Variants in TAFA2 observed in about 807,000 individuals in gnomAD.
The protein encoded by TAFA2 is TAFA chemokine like family member 2.
A neutral mutation model predicts 18.8 loss-of-function variants in TAFA2; 7 were observed. That is an observed-to-expected ratio of 0.37 (90% CI 0.21 to 0.70). The LOEUF is 0.70. Among genes scored for constraint, TAFA2 ranks in the 30% least tolerant of loss-of-function variants. The pLI is 0.53. For synonymous variants in TAFA2, 60 were observed against 54.2 expected, an observed-to-expected ratio of 1.11 and a Z score of -0.47; for missense variants, 122 against 158.1, an observed-to-expected ratio of 0.77 and a Z score of 1.23.
intron 1 of TAFA2, among the ~76,000 whole-genome samples, chr12:62,212,373 C>G (rs1420748876): frequency 6.6e-6 from 1 of 152,144 alleles, no homozygotes; most frequent in Non-Finnish European, 1.5e-5. Context: ...CACACATAAG[C>G]CTACTTCTTC....
intron 4 of TAFA2, among the ~76,000 whole-genome samples, chr12:61,719,301 A>T (rs1042875047): frequency 6.6e-6 from 1 of 152,198 alleles, no homozygotes; most frequent in African/African-American, 2.4e-5. Flanking sequence ...TAAGGCATAG[A>T]CATAAACAAT....
At chr12:62,182,249 G>A (rs569442829) in intron 1 of TAFA2, among the ~76,000 whole-genome samples, 4 of 152,062 alleles carry the variant, frequency 2.6e-5, no homozygotes, top group South Asian at 2.1e-4. Flanking sequence ...TCTAATTTAC[G>A]TATTGGAGGA....
chr12:61,861,514 C>A (rs1874127658), intron 2 of TAFA2, among the ~76,000 whole-genome samples: 1 of 152,070 alleles, frequency 6.6e-6, no homozygotes. Flanking sequence ...CTCCGCTTCC[C>A]AAAGTGCTGG....
At chr12:62,078,323 A>G (rs1868268394) in intron 1 of TAFA2, among the ~76,000 whole-genome samples, 1 of 152,092 alleles carries the variant, frequency 6.6e-6, no homozygotes, top group Non-Finnish European at 1.5e-5. Context: ...ATTCCTGATA[A>G]GAAACTGACC....
At chr12:61,933,302 A>C (rs1877638475) in intron 1 of TAFA2, among the ~76,000 whole-genome samples, 1 of 152,210 alleles carries the variant, frequency 6.6e-6, no homozygotes, top group Non-Finnish European at 1.5e-5. Flanking sequence ...GCTATGAGAT[A>C]TAGTTTCCAC....
chr12:62,074,714 T>A (rs1458372423), intron 1 of TAFA2, among the ~76,000 whole-genome samples: 3 of 137,090 alleles, frequency 2.2e-5, no homozygotes, highest in African/African-American at 7.8e-5. Context: ...TTTTTTTTTT[T>A]TTTTTGAGAC....
intron 1 of TAFA2, among the ~76,000 whole-genome samples, chr12:62,146,473 T>C (rs965126021): frequency 2.0e-5 from 3 of 151,862 alleles, no homozygotes; most frequent in African/African-American, 4.8e-5. Flanking sequence ...TTGTAGAGAC[T>C]GTTTCATCAT....
intron 2 of TAFA2, among the ~76,000 whole-genome samples, chr12:61,771,116 G>C (rs1313157885): frequency 6.6e-6 from 1 of 151,858 alleles, no homozygotes; most frequent in Non-Finnish European, 1.5e-5. Context: ...AGACAAAACC[G>C]ACTGTAAATC....
chr12:61,819,284 T>C (rs746061730), intron 2 of TAFA2, among the ~76,000 whole-genome samples: 1 of 152,208 alleles, frequency 6.6e-6, no homozygotes, highest in Non-Finnish European at 1.5e-5. Context: ...ATAAAAATCG[T>C]GACTACCCAG....
At chr12:61,730,855 C>T (rs1364717327) in intron 4 of TAFA2, among the ~76,000 whole-genome samples, 1 of 152,136 alleles carries the variant, frequency 6.6e-6, no homozygotes, top group Non-Finnish European at 1.5e-5. Context: ...TCTGAGAAAG[C>T]AGGCAGGGAT....
rs576695571 is a variant in TAFA2, at chr12:61,815,568, C to T, written c.106+51752G>A. Reference sequence around the variant, plus strand: ...GTCTCAGCTACTCGGGAGGCTGAGGCGGGAGAATGGCGTGAACCCAGGAGG... The same window carrying T: ...GTCTCAGCTACTCGGGAGGCTGAGGTGGGAGAATGGCGTGAACCCAGGAGG... On this transcript the variant is annotated intron_variant, in intron 2 of 4. Transcript: ENST00000416284. Among the ~76,000 whole-genome samples the T allele has an allele frequency of 9.3e-5, 14 of 149,970 alleles. 2 individuals carry two copies. The highest frequency in any genetic ancestry group is 2.5e-4 in the African/African-American group (10 of 39,976).
intron 2 of TAFA2, among the ~76,000 whole-genome samples, chr12:61,769,949 C>T (rs926507407): frequency 6.6e-6 from 1 of 151,898 alleles, no homozygotes; most frequent in South Asian, 2.1e-4. Flanking sequence ...CTCAAGGAGG[C>T]ACCAGAGAAA....
chr12:62,238,932 C>T (rs371187874), intron 1 of TAFA2, among the ~76,000 whole-genome samples: 6 of 152,286 alleles, frequency 3.9e-5, no homozygotes, highest in Non-Finnish European at 7.3e-5. Flanking sequence ...AATTATAATC[C>T]ATCTTTGCAA....
At chr12:61,863,379 C>A (rs1244305746) in intron 2 of TAFA2, among the ~76,000 whole-genome samples, 1 of 152,174 alleles carries the variant, frequency 6.6e-6, no homozygotes, top group Admixed American at 6.5e-5. Context: ...CCAGTTATAA[C>A]TACCAATGTA....
At chr12:62,102,792 C>T (rs1259486084) in intron 1 of TAFA2, among the ~76,000 whole-genome samples, 1 of 152,120 alleles carries the variant, frequency 6.6e-6, no homozygotes, top group Non-Finnish European at 1.5e-5. Flanking sequence ...GAAAAATAAG[C>T]TAGCACATAT....
intron 1 of TAFA2, among the ~76,000 whole-genome samples, chr12:61,999,077 A>G (rs1284114871): frequency 6.6e-6 from 1 of 152,214 alleles, no homozygotes. Context: ...CTTACTACTT[A>G]TTCTAGAGAT....
intron 1 of TAFA2, among the ~76,000 whole-genome samples, chr12:61,923,884 G>A (rs765503801): frequency 1.3e-5 from 2 of 151,836 alleles, no homozygotes; most frequent in Non-Finnish European, 2.9e-5. Context: ...GCAATTTAGA[G>A]AACATAGATG....
chr12:62,085,086 T>G (rs1565739433), intron 1 of TAFA2, among the ~76,000 whole-genome samples: 3 of 152,170 alleles, frequency 2.0e-5, no homozygotes, highest in African/African-American at 7.2e-5. Context: ...AAACTGATGA[T>G]CCTGCTGCAG....
At chr12:62,139,491 G>A (rs1354772544) in intron 1 of TAFA2, among the ~76,000 whole-genome samples, 1 of 152,064 alleles carries the variant, frequency 6.6e-6, no homozygotes, top group East Asian at 1.9e-4. Context: ...TGCCTACCAT[G>A]TTATAGTTTA....
Sources: allele counts gnomAD v4.1 joint callset (sites outside exome capture counted in the v4.1 genomes callset), GRCh38; gene constraint gnomAD v4.1.1; transcripts MANE v1.5; gene names NCBI Gene and HGNC (gene_info 2026-07-23, HGNC 2026-07-21).